The following CAMK2D variants were observed in gnomAD, a reference collection of about 807,000 sequenced individuals.
CAMK2D encodes the protein calcium/calmodulin dependent protein kinase II delta.
CAMK2D carries 37 observed loss-of-function variants against 84.0 expected under a neutral mutation model. That is an observed-to-expected ratio of 0.44 (90% CI 0.34 to 0.58). CAMK2D has a LOEUF of 0.58. Ranked by LOEUF, CAMK2D falls within the 20% of genes least tolerant of loss-of-function variation. CAMK2D has a pLI of 0.02. For synonymous variants in CAMK2D, 202 were observed against 212.5 expected, an observed-to-expected ratio of 0.95 and a Z score of 0.43; for missense variants, 448 against 652.5, an observed-to-expected ratio of 0.69 and a Z score of 3.41.
intron 2 of CAMK2D, among the ~76,000 whole-genome samples, chr4:113,688,926 A>G (rs866210579): frequency 0.039 from 5,864 of 149,898 alleles, 221 homozygotes; most frequent in African/African-American, 0.067. Flanking sequence ...AAAAAAAAAA[A>G]AAAAAAAGGA....
intron 4 of CAMK2D, among the ~76,000 whole-genome samples, chr4:113,552,844 C>G (rs2154199841): frequency 6.6e-6 from 1 of 152,268 alleles, no homozygotes; most frequent in East Asian, 1.9e-4. Context: ...GGGCAAATCA[C>G]CTTCCAAAAT....
chr4:113,493,262 A>T (rs1302760973), intron 16 of CAMK2D, among the ~76,000 whole-genome samples: 4 of 151,544 alleles, frequency 2.6e-5, no homozygotes, highest in East Asian at 3.9e-4. Flanking sequence ...TTTAGGCATG[A>T]TTTTGCAGTG....
intron 3 of CAMK2D, among the ~76,000 whole-genome samples, chr4:113,655,038 G>A (rs2099192645): frequency 6.6e-6 from 1 of 151,972 alleles, no homozygotes; most frequent in Admixed American, 6.6e-5. Flanking sequence ...GTACTCAACT[G>A]TTTATTTAAA....
intron 16 of CAMK2D, among the ~76,000 whole-genome samples, chr4:113,473,555 G>A (rs912436671): frequency 1.3e-5 from 2 of 152,114 alleles, no homozygotes; most frequent in African/African-American, 4.8e-5. Context: ...AATGTTTACT[G>A]TAAACCTCTT....
intron 3 of CAMK2D, among the ~76,000 whole-genome samples, chr4:113,661,487 T>C (rs1333234758): frequency 6.6e-6 from 1 of 152,168 alleles, no homozygotes; most frequent in African/African-American, 2.4e-5. Context: ...AGTATCTTTG[T>C]TTCCACAAAC....
chr4:113,457,490 G>A lies in CAMK2D; in HGVS notation c.1380C>T (p.Ala460=), dbSNP rs746113336. The A allele has an allele frequency of 2.7e-5, 43 of 1,613,238 alleles. No homozygotes were observed. The highest frequency in any genetic ancestry group is 3.3e-5 in the Admixed American group (2 of 59,970). ...TGAGCCTAATATATGCTATGCAGGC[G>A]GCATCATCCCCTACCAGATGTACAT... ...NPHVHLVGDD[A]ACIAYIRLTQ... Residue 460 remains alanine (A), a synonymous_variant, in exon 19 of 21, where the codon GCC becomes GCT. Transcript: ENST00000511664.
At chr4:113,508,162 T>A in intron 13 of CAMK2D, 1 of 1,059,558 alleles carries the variant, frequency 9.4e-7, no homozygotes. Flanking sequence ...ACTTACACTA[T>A]CTTAGGTAAA....
intron 4 of CAMK2D, among the ~76,000 whole-genome samples, chr4:113,601,683 C>CTTTTTTTTTTTTTTTTTTTTTTTTTTTT (rs755850795): frequency 2.2e-4 from 10 of 45,818 alleles, no homozygotes; most frequent in East Asian, 5.5e-4. Context: ...ACTGTTTATT[C>CTTTTTTTTTTTTTTTTTTTTTTTTTTTT]TTTTTTTTTT....
At chr4:113,617,375 A>T (rs955016823) in intron 3 of CAMK2D, among the ~76,000 whole-genome samples, 2 of 151,960 alleles carry the variant, frequency 1.3e-5, no homozygotes, top group African/African-American at 4.8e-5. Flanking sequence ...AGGCAGGAGA[A>T]TCGCTTGAAC....
At position 113,621,231 on chromosome 4, in the gene CAMK2D, T is replaced by C. The variant is rs145990637; in HGVS notation, c.221-12025A>G. Among the ~76,000 whole-genome samples, 11 of 151,744 alleles carry C rather than the reference T, an allele frequency of 7.2e-5. No individual in the cohort carries two copies. In the East Asian group the frequency reaches 2.1e-3, roughly 29 times the overall value. ...TTACTCTGATTTTATTCACTCATTA[T>C]ATAAAGATACTATATCTTCATACTT... On this transcript the variant is annotated intron_variant, in intron 3 of 20. Transcript: ENST00000511664.
chr4:113,682,056 C>G (rs2099347503), intron 2 of CAMK2D, among the ~76,000 whole-genome samples: 2 of 152,114 alleles, frequency 1.3e-5, no homozygotes, highest in Admixed American at 1.3e-4. Context: ...CCCTTCCTTT[C>G]TGGGGAAATT....
intron 3 of CAMK2D, among the ~76,000 whole-genome samples, chr4:113,647,558 T>G (rs924178151): frequency 2.6e-5 from 4 of 152,254 alleles, no homozygotes; most frequent in Non-Finnish European, 1.5e-5. Flanking sequence ...GGCTCTTCTG[T>G]GCATTGTAGG....
intron 17 of CAMK2D, among the ~76,000 whole-genome samples, chr4:113,462,178 C>A (rs1409322912): frequency 6.6e-6 from 1 of 151,968 alleles, no homozygotes; most frequent in African/African-American, 2.4e-5. Context: ...TTCTTACTGC[C>A]TTACATCAGT....
intron 4 of CAMK2D, among the ~76,000 whole-genome samples, chr4:113,553,349 T>C (rs1454479326): frequency 6.6e-6 from 1 of 152,202 alleles, no homozygotes; most frequent in Non-Finnish European, 1.5e-5. Context: ...TTAGAAGGCA[T>C]GAGTCATTTG....
intron 4 of CAMK2D, among the ~76,000 whole-genome samples, chr4:113,592,286 C>G (rs1561210013): frequency 6.6e-6 from 1 of 152,136 alleles, no homozygotes; most frequent in Non-Finnish European, 1.5e-5. Flanking sequence ...TCATCACATA[C>G]TGAAGAAGCT....
At chr4:113,589,892 C>T (rs1005416076) in intron 4 of CAMK2D, among the ~76,000 whole-genome samples, 9 of 151,966 alleles carry the variant, frequency 5.9e-5, no homozygotes, top group South Asian at 2.1e-4. Context: ...TGTACTCCTA[C>T]GTTTAAATGT....
In CAMK2D at chr4:113,512,002, C is replaced by A. The variant is rs529754451; in HGVS notation, c.946+1326G>T. Among the ~76,000 whole-genome samples, 164 of 152,260 alleles carry A rather than the reference C, an allele frequency of 1.1e-3. 6 individuals carry two copies. The South Asian group carries it at 0.032, about 29-fold the overall frequency. On this transcript the variant is annotated intron_variant, in intron 12 of 20. Coordinates refer to ENST00000511664, the MANE Select transcript of CAMK2D (RefSeq NM_001321571.2). ...ATTATTACCTGATAACACTATAACACCCAGGCTAAGTATGTAGCAGAAAAC... is the reference window on the plus strand; with the variant it reads ...ATTATTACCTGATAACACTATAACAACCAGGCTAAGTATGTAGCAGAAAAC...
chr4:113,672,937 C>T lies in CAMK2D; in HGVS notation c.161-11165G>A, dbSNP rs545716264. Among the ~76,000 whole-genome samples, 9 of 152,188 alleles carry T rather than the reference C, an allele frequency of 5.9e-5. No individual in the cohort carries two copies. The South Asian group carries it at 8.3e-4, about 14-fold the overall frequency. On this transcript the variant is annotated intron_variant, in intron 2 of 20. Transcript: ENST00000511664. ...AAAATATAAAACAAATGAAATTTTC[C>T]GTTTTAGCTGAAACCTTGAAGGCTA...
chr4:113,602,963 T>C (rs990145593), intron 4 of CAMK2D, among the ~76,000 whole-genome samples: 3 of 152,202 alleles, frequency 2.0e-5, no homozygotes, highest in African/African-American at 7.2e-5. Context: ...ACTTGATCTG[T>C]GATCTGCCTT....
Sources: allele counts gnomAD v4.1 joint callset (sites outside exome capture counted in the v4.1 genomes callset), GRCh38; gene constraint gnomAD v4.1.1; transcripts MANE v1.5; gene names NCBI Gene and HGNC (gene_info 2026-07-23, HGNC 2026-07-21).